PCSK5: variants seen among roughly 807,000 people sequenced by gnomAD.
The protein encoded by PCSK5 is prohormone convertase 5.
In PCSK5, 129 loss-of-function variants were observed where a neutral mutation model predicts 233.2. That is an observed-to-expected ratio of 0.55 (90% CI 0.48 to 0.64). The LOEUF (loss-of-function observed/expected upper bound fraction) is 0.64, where lower values mean the gene tolerates loss of function less well. Ranked by LOEUF, PCSK5 falls within the 30% of genes least tolerant of loss-of-function variation. PCSK5 has a pLI of 0.00. For missense variants in PCSK5, 2,076 were observed against 2,430.1 expected (o/e 0.85, Z 3.06); for synonymous variants, 825 against 879.2 (o/e 0.94, Z 1.09).
In PCSK5 at chr9:76,034,744, G is replaced by A. The variant is rs117225547; in HGVS notation, c.632+7707G>A. ...AAACTTTTTTAAAATCCTAGATGGG[G>A]TCACATTTGCCAGAGTAGGAAATAG... On this transcript the variant is annotated intron_variant, in intron 5 of 37. Transcript: ENST00000674117. 1.1e-3 allele frequency among the ~76,000 whole-genome samples: 170 copies of A among 152,228 alleles called. No individual in the cohort carries two copies. In the East Asian group the frequency reaches 0.03, roughly 27 times the overall value.
At chr9:76,221,514 G>C (rs1182132974) in intron 20 of PCSK5, among the ~76,000 whole-genome samples, 1 of 152,128 alleles carries the variant, frequency 6.6e-6, no homozygotes, top group Admixed American at 6.6e-5. Context: ...GTTTATAAAA[G>C]AGGTTTTTGT....
At chr9:75,910,826 A>G (rs926251018) in intron 1 of PCSK5, among the ~76,000 whole-genome samples, 9 of 152,184 alleles carry the variant, frequency 5.9e-5, no homozygotes, top group Non-Finnish European at 1.0e-4. Context: ...TCCAAAGGAC[A>G]TTATGCTTTA....
At chr9:75,952,801 G>C (rs1055447253) in intron 2 of PCSK5, among the ~76,000 whole-genome samples, 1 of 152,158 alleles carries the variant, frequency 6.6e-6, no homozygotes, top group Non-Finnish European at 1.5e-5. Context: ...GTCAAAACTC[G>C]TTCATTTCTG....
chr9:76,067,930 G>C, intron 5 of PCSK5, 25 bp from the exon 6 acceptor site: 2 of 1,595,322 alleles, frequency 1.3e-6, no homozygotes, highest in Non-Finnish European at 1.7e-6. Flanking sequence ...TCTTACTTGA[G>C]AAAGTGTGTG....
At chr9:75,919,100 G>C (rs1211609226) in intron 1 of PCSK5, among the ~76,000 whole-genome samples, 1 of 152,190 alleles carries the variant, frequency 6.6e-6, no homozygotes, top group Non-Finnish European at 1.5e-5. Context: ...AAATTCCTTA[G>C]TGCTGCTATG....
chr9:75,891,065 C>T lies in PCSK5; in HGVS notation c.-117C>T. On this transcript the variant is annotated 5_prime_UTR_variant, in exon 1 of 38. Transcript: ENST00000674117. ...GCCTCCTGCCGATCGCCCGGGGCTG[C>T]GAGCTGCGGCGGCCCGGGGCTGCTC... The T allele has an allele frequency of 3.1e-6, 3 of 968,134 alleles. No individual in the cohort carries two copies. Among genetic ancestry groups the T allele is most frequent in the Non-Finnish European group, 4.2e-6 (3 of 720,134 alleles). 60.0% of individuals were successfully genotyped at this position (968,134 alleles called of 1,614,324 possible).
At chr9:76,251,563 CA>C (rs60973474) in intron 24 of PCSK5, among the ~76,000 whole-genome samples, 3,688 of 96,780 alleles carry the variant, frequency 0.038, 133 homozygotes, top group African/African-American at 0.14. Context: ...GACTCCGTCT[CA>C]AAAAAAAAAA....
chr9:76,344,279 C>T (rs989453233), intron 35 of PCSK5, among the ~76,000 whole-genome samples: 2 of 152,132 alleles, frequency 1.3e-5, no homozygotes, highest in Admixed American at 6.5e-5. Context: ...GGCAGAGCTG[C>T]TCAGGTGGGA....
intron 20 of PCSK5, among the ~76,000 whole-genome samples, chr9:76,221,732 C>T (rs957841554): frequency 1.2e-4 from 18 of 152,194 alleles, no homozygotes; most frequent in African/African-American, 4.3e-4. Context: ...CTTTGAACAA[C>T]GTGTAGGCTG....
intron 24 of PCSK5, among the ~76,000 whole-genome samples, chr9:76,255,792 A>G (rs1826965248): frequency 6.6e-6 from 1 of 152,098 alleles, no homozygotes; most frequent in African/African-American, 2.4e-5. Flanking sequence ...CTATGATGGC[A>G]CCATGGCACT....
At chr9:76,288,032 T>C (rs1828143445) in intron 24 of PCSK5, 1 of 152,200 alleles carries the variant, frequency 6.6e-6, no homozygotes, top group Non-Finnish European at 1.5e-5. Flanking sequence ...GAAGTATGCA[T>C]TTTCCCAGTG....
chr9:76,190,309 C>T (rs1824309060), intron 20 of PCSK5, among the ~76,000 whole-genome samples: 1 of 146,244 alleles, frequency 6.8e-6, no homozygotes, highest in South Asian at 2.2e-4. Flanking sequence ...GAATTACCTA[C>T]TCATCTCTCC....
intron 1 of PCSK5, among the ~76,000 whole-genome samples, chr9:75,895,908 A>G (rs564260316): frequency 3.3e-5 from 5 of 152,306 alleles, no homozygotes; most frequent in Admixed American, 1.3e-4. Flanking sequence ...GTTGATTCAC[A>G]TGGGCAGTGA....
At chr9:76,112,384 A>G (rs983805897) in intron 9 of PCSK5, among the ~76,000 whole-genome samples, 1 of 152,160 alleles carries the variant, frequency 6.6e-6, no homozygotes, top group African/African-American at 2.4e-5. Context: ...AGAAAACCCA[A>G]TATATCTAGA....
intron 29 of PCSK5, 111 bp downstream of exon 29, chr9:76,308,839 C>A: frequency 1.5e-6 from 1 of 669,334 alleles, no homozygotes; most frequent in Non-Finnish European, 2.7e-6. Flanking sequence ...CTATTCCCAT[C>A]ACATGTTCCT....
At chr9:76,268,290 C>T (rs1042479639) in intron 24 of PCSK5, among the ~76,000 whole-genome samples, 3 of 152,124 alleles carry the variant, frequency 2.0e-5, no homozygotes, top group Middle Eastern at 3.2e-3. Context: ...CCCACACATA[C>T]GCACATACAC....
chr9:75,980,727 T>C (rs1171997383), intron 2 of PCSK5, among the ~76,000 whole-genome samples: 2 of 149,960 alleles, frequency 1.3e-5, no homozygotes, highest in East Asian at 3.9e-4. Context: ...GTCTAACAAA[T>C]GCTTTTGCTA....
chr9:75,893,451 G>A (rs2131179045), intron 1 of PCSK5, among the ~76,000 whole-genome samples: 1 of 152,270 alleles, frequency 6.6e-6, no homozygotes, highest in South Asian at 2.1e-4. Context: ...CAGTAGGCTG[G>A]AAGCAAATAT....
chr9:76,095,848 GTCATT>G (rs1330121131), intron 7 of PCSK5, 37 bp from the exon 8 acceptor site: 1 of 1,572,800 alleles, frequency 6.4e-7, no homozygotes, highest in Non-Finnish European at 8.8e-7. Context: ...TTCATTTAGA[GTCATT>G]TCACACCATC....
Sources: allele counts gnomAD v4.1 joint callset (sites outside exome capture counted in the v4.1 genomes callset), GRCh38; gene constraint gnomAD v4.1.1; transcripts MANE v1.5; gene names NCBI Gene and HGNC (gene_info 2026-07-23, HGNC 2026-07-21).